Variants in DPP10 observed in about 807,000 individuals in gnomAD.
The protein encoded by DPP10 is inactive dipeptidyl peptidase 10.
In DPP10, 33 loss-of-function variants were observed where a neutral mutation model predicts 120.9. The observed-to-expected ratio is 0.27, with a 90% CI of 0.21 to 0.37. The LOEUF (loss-of-function observed/expected upper bound fraction) is 0.37. Among genes scored for constraint, DPP10 ranks in the 10% least tolerant of loss-of-function variants. The probability of loss-of-function intolerance (pLI) is 1.00; values close to 1 mark genes in which losing one functional copy is unlikely to be tolerated. For synonymous variants in DPP10, 337 were observed against 326.1 expected, an observed-to-expected ratio of 1.03 and a Z score of -0.36; for missense variants, 816 against 942.8, an observed-to-expected ratio of 0.87 and a Z score of 1.76.
intron 21 of DPP10, 23 bp from the exon 22 acceptor site, chr2:115,836,134 A>C: frequency 8.6e-7 from 1 of 1,166,294 alleles, no homozygotes; most frequent in Non-Finnish European, 1.2e-6. Context: ...ATATATATAT[A>C]TATATATATT....
intron 1 of DPP10, among the ~76,000 whole-genome samples, chr2:114,541,123 G>T (rs528591360): frequency 6.6e-6 from 1 of 152,124 alleles, no homozygotes; most frequent in Non-Finnish European, 1.5e-5. Flanking sequence ...AGCTTCTCTG[G>T]CAGGGGTTGT....
intron 3 of DPP10, among the ~76,000 whole-genome samples, chr2:115,407,687 C>G (rs895505823): frequency 6.6e-6 from 1 of 151,022 alleles, no homozygotes; most frequent in Non-Finnish European, 1.5e-5. Context: ...AAAAAAAATA[C>G]TTTTACCTTT....
intron 10 of DPP10, among the ~76,000 whole-genome samples, chr2:115,750,441 G>A (rs779231133): frequency 1.3e-5 from 2 of 152,128 alleles, no homozygotes; most frequent in Non-Finnish European, 2.9e-5. Flanking sequence ...TGAAATGGTC[G>A]TTTGTTAGAC....
intron 1 of DPP10, among the ~76,000 whole-genome samples, chr2:114,596,327 C>T (rs1384523678): frequency 6.6e-6 from 1 of 151,888 alleles, no homozygotes; most frequent in African/African-American, 2.4e-5. Context: ...TATATATATT[C>T]ATGGTGACAT....
chr2:114,568,251 A>G lies in DPP10; in HGVS notation c.60+125413A>G, dbSNP rs555313459. On this transcript the variant is annotated intron_variant, in intron 1 of 25. Coordinates refer to ENST00000410059, the MANE Select transcript of DPP10 (RefSeq NM_020868.6). The stretch of plus-strand genomic sequence containing the variant: ...GCATAGAATGTATGATGATCAAGTC[A>G]GGGTATTTGGGGTATCTACCACTAT... 2.6e-5 allele frequency among the ~76,000 whole-genome samples: 4 copies of G among 152,206 alleles called. No individual in the cohort carries two copies. In the South Asian group the frequency reaches 6.2e-4, roughly 24 times the overall value.
intron 5 of DPP10, among the ~76,000 whole-genome samples, chr2:115,601,609 G>A (rs2083324103): frequency 6.6e-6 from 1 of 152,160 alleles, no homozygotes; most frequent in African/African-American, 2.4e-5. Context: ...TATTACTTGG[G>A]TTAATGAGCT....
chr2:115,419,127 A>G (rs894034753), intron 3 of DPP10, among the ~76,000 whole-genome samples: 1 of 152,216 alleles, frequency 6.6e-6, no homozygotes, highest in African/African-American at 2.4e-5. Context: ...AGCTAAGTGG[A>G]CATGTAAATT....
At chr2:115,122,242 G>A (rs2049862082) in intron 1 of DPP10, among the ~76,000 whole-genome samples, 1 of 152,142 alleles carries the variant, frequency 6.6e-6, no homozygotes, top group African/African-American at 2.4e-5. Context: ...CAACACATGA[G>A]AGAAGAGAAG....
chr2:115,725,764 C>G (rs1477743334), intron 7 of DPP10, among the ~76,000 whole-genome samples: 1 of 152,126 alleles, frequency 6.6e-6, no homozygotes, highest in Non-Finnish European at 1.5e-5. Flanking sequence ...TTATGACTCA[C>G]AAGTCCCACT....
At chr2:115,710,398 T>G (rs11678539) in intron 7 of DPP10, among the ~76,000 whole-genome samples, 1 of 152,162 alleles carries the variant, frequency 6.6e-6, no homozygotes, top group South Asian at 2.1e-4. Context: ...AAGAAAATTA[T>G]ACATTTGTAA....
At chr2:115,207,054 C>T (rs906888746) in intron 1 of DPP10, among the ~76,000 whole-genome samples, 2 of 152,234 alleles carry the variant, frequency 1.3e-5, no homozygotes, top group Admixed American at 6.5e-5. Context: ...ACTTCAACAT[C>T]CGAATCTCCT....
At chr2:115,617,582 A>C (rs958816311) in intron 5 of DPP10, among the ~76,000 whole-genome samples, 2 of 151,914 alleles carry the variant, frequency 1.3e-5, no homozygotes, top group Non-Finnish European at 2.9e-5. Context: ...TAGATACACA[A>C]ATATTTACCA....
intron 5 of DPP10, among the ~76,000 whole-genome samples, chr2:115,641,225 C>T (rs1428145591): frequency 6.6e-6 from 1 of 152,158 alleles, no homozygotes; most frequent in Admixed American, 6.5e-5. Flanking sequence ...TCTGCTTCCA[C>T]AAGAGTCCAT....
chr2:114,927,943 C>A (rs1194978491), intron 1 of DPP10, among the ~76,000 whole-genome samples: 1 of 151,952 alleles, frequency 6.6e-6, no homozygotes, highest in Non-Finnish European at 1.5e-5. Context: ...TTTTATCAAC[C>A]AACTCTTGTG....
chr2:115,126,885 A>C (rs1204245097), intron 1 of DPP10, among the ~76,000 whole-genome samples: 1 of 152,210 alleles, frequency 6.6e-6, no homozygotes, highest in Admixed American at 6.5e-5. Context: ...TTTGGAATAG[A>C]TATTCCTCCA....
chr2:115,478,196 G>T (rs908456834), intron 3 of DPP10, among the ~76,000 whole-genome samples: 1 of 152,104 alleles, frequency 6.6e-6, no homozygotes, highest in Non-Finnish European at 1.5e-5. Context: ...CACATCTATT[G>T]GCATAACAAC....
At chr2:114,617,229 A>G (rs914052422) in intron 1 of DPP10, among the ~76,000 whole-genome samples, 7 of 152,122 alleles carry the variant, frequency 4.6e-5, no homozygotes, top group African/African-American at 1.7e-4. Flanking sequence ...AATTGAGGAC[A>G]TTTACGTATG....
intron 24 of DPP10, among the ~76,000 whole-genome samples, chr2:115,837,311 AAAT>A (rs1339403283): frequency 6.6e-6 from 1 of 152,188 alleles, no homozygotes; most frequent in Non-Finnish European, 1.5e-5. Flanking sequence ...TAGTAGTAAT[AAAT>A]AATATCATTT....
intron 5 of DPP10, among the ~76,000 whole-genome samples, chr2:115,617,938 C>G (rs2084650449): frequency 6.6e-6 from 1 of 152,124 alleles, no homozygotes; most frequent in East Asian, 1.9e-4. Context: ...TCATTGTGGT[C>G]TCTCTCTCTA....
Sources: allele counts gnomAD v4.1 joint callset (sites outside exome capture counted in the v4.1 genomes callset), GRCh38; gene constraint gnomAD v4.1.1; transcripts MANE v1.5; gene names NCBI Gene and HGNC (gene_info 2026-07-23, HGNC 2026-07-21).